UNC5D: variants seen among roughly 807,000 people sequenced by gnomAD.
UNC5D encodes the protein netrin receptor UNC5D.
In UNC5D, 39 loss-of-function variants were observed where a neutral mutation model predicts 105.4. The observed-to-expected ratio is 0.37, with a 90% CI of 0.29 to 0.48. The LOEUF (loss-of-function observed/expected upper bound fraction) is 0.48, where lower values mean the gene tolerates loss of function less well. Among genes scored for constraint, UNC5D ranks in the 20% least tolerant of loss-of-function variants. UNC5D has a pLI of 0.98. For missense variants in UNC5D, 991 were observed against 1,202.4 expected (o/e 0.82, Z 2.60); for synonymous variants, 452 against 450.4 (o/e 1.00, Z -0.04).
chr8:35,772,425 G>C (rs1802049083), intron 15 of UNC5D, among the ~76,000 whole-genome samples: 1 of 152,160 alleles, frequency 6.6e-6, no homozygotes, highest in African/African-American at 2.4e-5. Flanking sequence ...AAGCCTGATA[G>C]TTTATACTTA....
At chr8:35,598,253 G>A (rs1819616238) in intron 4 of UNC5D, among the ~76,000 whole-genome samples, 1 of 152,102 alleles carries the variant, frequency 6.6e-6, no homozygotes, top group Non-Finnish European at 1.5e-5. Context: ...CAAGCATACT[G>A]TATTTACTTT....
intron 3 of UNC5D, among the ~76,000 whole-genome samples, chr8:35,570,199 A>G (rs943870547): frequency 6.6e-6 from 1 of 152,170 alleles, no homozygotes; most frequent in Admixed American, 6.5e-5. Context: ...TCACCCTCGC[A>G]TGTCTGACGT....
intron 1 of UNC5D, among the ~76,000 whole-genome samples, chr8:35,515,198 A>T (rs1813028672): frequency 6.6e-6 from 1 of 152,078 alleles, no homozygotes; most frequent in Non-Finnish European, 1.5e-5. Flanking sequence ...CTTACCAAAG[A>T]TCTGAATTAA....
At chr8:35,582,700 T>C (rs1818538903) in intron 3 of UNC5D, among the ~76,000 whole-genome samples, 1 of 152,228 alleles carries the variant, frequency 6.6e-6, no homozygotes, top group Admixed American at 6.5e-5. Flanking sequence ...CTGGGTTGGC[T>C]TTTCTTTTTG....
At position 35,502,317 on chromosome 8, in the gene UNC5D, C is replaced by T. The variant is rs180755407; in HGVS notation, c.104-46975C>T. On this transcript the variant is annotated intron_variant, in intron 1 of 16. Transcript: ENST00000404895. ...CTTCTTATAAGCCAAAGCTCTTTTC[C>T]TGTAAAGAGTAGGTGCTATTCAGAT... Among the ~76,000 whole-genome samples the T allele has an allele frequency of 2.0e-3, 299 of 152,210 alleles. 1 individual carries two copies. Among genetic ancestry groups the T allele is most frequent in the African/African-American group, 6.8e-3 (282 of 41,528 alleles).
At chr8:35,475,701 A>G (rs1810040775) in intron 1 of UNC5D, among the ~76,000 whole-genome samples, 1 of 152,160 alleles carries the variant, frequency 6.6e-6, no homozygotes, top group African/African-American at 2.4e-5. Context: ...AGGGGTGGGG[A>G]CAAATTGGTT....
intron 1 of UNC5D, among the ~76,000 whole-genome samples, chr8:35,511,445 C>T (rs1331643107): frequency 7.1e-6 from 1 of 141,728 alleles, no homozygotes; most frequent in African/African-American, 2.7e-5. Flanking sequence ...GCCAGCCTGA[C>T]CAATGTAGAG....
rs115849135 is a variant in UNC5D, at chr8:35,560,508, A to G, written c.323-7590A>G. ...CCTATGTAAATGTGTATTTGTATGTATATCATTTGATCAGTGAGGATTTGA... is the reference window on the plus strand; with the variant it reads ...CCTATGTAAATGTGTATTTGTATGTGTATCATTTGATCAGTGAGGATTTGA... On this transcript the variant is annotated intron_variant, in intron 2 of 16. Coordinates refer to ENST00000404895, the MANE Select transcript of UNC5D (RefSeq NM_080872.4). Among the ~76,000 whole-genome samples the G allele has an allele frequency of 3.1e-3, 467 of 152,342 alleles. 3 individuals are homozygous for G. Among genetic ancestry groups the G allele is most frequent in the African/African-American group, 0.01 (433 of 41,576 alleles).
Position 35,684,601 on chromosome 8 carries a change from C to T in UNC5D, c.771C>T (p.Ser257=), listed in dbSNP as rs1346324008. Residue 257 remains serine, a synonymous_variant, in exon 6 of 17, where the codon TCC becomes TCT. Coordinates refer to ENST00000404895, the MANE Select transcript of UNC5D (RefSeq NM_080872.4). Reference sequence around the variant, plus strand: ...TCTCAGTGAATGGAGGCTGGTCTTCCTGGACAGAGTGGTCAGCCTGCAATG... The same window carrying T: ...TCTCAGTGAATGGAGGCTGGTCTTCTTGGACAGAGTGGTCAGCCTGCAATG... ...VVVYVNGGWS[S]WTEWSACNVR... is the part of the protein sequence containing the mutation. The T allele has an allele frequency of 6.2e-7, 1 of 1,612,536 alleles. No individual in the cohort carries two copies. The highest frequency in any genetic ancestry group is 1.1e-5 in the South Asian group (1 of 90,862).
chr8:35,412,773 A>T (rs1805258640), intron 1 of UNC5D, among the ~76,000 whole-genome samples: 1 of 152,060 alleles, frequency 6.6e-6, no homozygotes, highest in African/African-American at 2.4e-5. Context: ...GCTTGTTATC[A>T]GGTGTGGGAG....
intron 16 of UNC5D, among the ~76,000 whole-genome samples, chr8:35,781,931 T>C (rs6999180): frequency 0.05 from 7,680 of 152,292 alleles, 504 homozygotes; most frequent in African/African-American, 0.15. Flanking sequence ...AGGGAAATTT[T>C]ATTGCCAAAT....
chr8:35,336,713 T>C (rs1293856012), intron 1 of UNC5D, among the ~76,000 whole-genome samples: 1 of 152,038 alleles, frequency 6.6e-6, no homozygotes, highest in African/African-American at 2.4e-5. Context: ...CTTTCAAATG[T>C]GGAATAATAC....
At chr8:35,666,596 C>A (rs1444041594) in intron 4 of UNC5D, among the ~76,000 whole-genome samples, 1 of 151,882 alleles carries the variant, frequency 6.6e-6, no homozygotes, top group South Asian at 2.1e-4. Flanking sequence ...TGGATAGAAA[C>A]AAATAGAAAA....
In UNC5D at chr8:35,308,112, ATGTATGTGTGTGTGTG is replaced by A. The variant is rs1425682188; in HGVS notation, c.103+72229_103+72244del. Among the ~76,000 whole-genome samples, 553 of 147,768 alleles carry A rather than the reference ATGTATGTGTGTGTGTG, an allele frequency of 3.7e-3. 5 individuals are homozygous for A. The highest frequency in any genetic ancestry group is 0.012 in the African/African-American group (501 of 40,242). On this transcript the variant is annotated intron_variant, in intron 1 of 16. Transcript: ENST00000404895. ...TATTTTAAGCCTTTTCTATGTCACA[ATGTATGTGTGTGTGTG>A]TGTGTGTGTGTGTGTGTGTGTGTAT...
chr8:35,493,311 A>AAAAAAC (rs1176233447), intron 1 of UNC5D, among the ~76,000 whole-genome samples: 8 of 148,824 alleles, frequency 5.4e-5, no homozygotes, highest in African/African-American at 2.0e-4. Context: ...AAAACACACC[A>AAAAAAC]AAAAACAAAA....
chr8:35,567,144 A>T (rs1277132482), intron 2 of UNC5D, among the ~76,000 whole-genome samples: 1 of 151,522 alleles, frequency 6.6e-6, no homozygotes, highest in Non-Finnish European at 1.5e-5. Context: ...CTGTGCCCTT[A>T]GCCACTCTTT....
chr8:35,412,862 C>G (rs1166204861), intron 1 of UNC5D, among the ~76,000 whole-genome samples: 1 of 152,024 alleles, frequency 6.6e-6, no homozygotes, highest in African/African-American at 2.4e-5. Context: ...AATCTAGAAA[C>G]TGAAAGGAGC....
intron 1 of UNC5D, among the ~76,000 whole-genome samples, chr8:35,259,514 T>C (rs1426078987): frequency 6.6e-6 from 1 of 152,170 alleles, no homozygotes; most frequent in Non-Finnish European, 1.5e-5. Flanking sequence ...GGGTGCTATA[T>C]ATTATTACTC....
intron 1 of UNC5D, among the ~76,000 whole-genome samples, chr8:35,361,585 C>A (rs1445959343): frequency 6.6e-6 from 1 of 152,106 alleles, no homozygotes. Context: ...TCATTGACAC[C>A]AGTAGCAAAG....
Sources: gnomAD v4.1 joint callset for allele counts (sites outside exome capture counted in the v4.1 genomes callset) on GRCh38, gnomAD v4.1.1 for gene constraint, MANE v1.5 for transcripts, NCBI Gene and HGNC (gene_info 2026-07-23, HGNC 2026-07-21) for gene names.